TBC1D22A: variants seen among roughly 807,000 people sequenced by gnomAD.
The protein encoded by TBC1D22A is putative GTPase activator.
TBC1D22A carries 38 observed loss-of-function variants against 60.2 expected under a neutral mutation model. That is an observed-to-expected ratio of 0.63 (90% CI 0.49 to 0.83). The LOEUF is 0.83. Among genes scored for constraint, TBC1D22A ranks in the 40% least tolerant of loss-of-function variants. TBC1D22A has a pLI of 0.00. For synonymous variants in TBC1D22A, 302 were observed against 281.7 expected, an observed-to-expected ratio of 1.07 and a Z score of -0.72; for missense variants, 628 against 701.0, an observed-to-expected ratio of 0.90 and a Z score of 1.18.
intron 5 of TBC1D22A, among the ~76,000 whole-genome samples, chr22:46,884,139 GAGA>G (rs1366921171): frequency 6.6e-6 from 1 of 152,160 alleles, no homozygotes; most frequent in African/African-American, 2.4e-5. Flanking sequence ...ACAATACACC[GAGA>G]AGTAGATTTG....
At chr22:47,155,500 G>A (rs901288244) in intron 12 of TBC1D22A, among the ~76,000 whole-genome samples, 2 of 152,244 alleles carry the variant, frequency 1.3e-5, no homozygotes, top group Admixed American at 6.5e-5. Context: ...TCTGGGAGTG[G>A]GAGAGAGGGA....
intron 1 of TBC1D22A, among the ~76,000 whole-genome samples, chr22:46,776,384 C>G (rs1165998644): frequency 7.9e-6 from 1 of 126,174 alleles, no homozygotes; most frequent in East Asian, 2.5e-4. Context: ...AAGCAGTGGG[C>G]ATAGTTGTGG....
At chr22:46,892,807 A>C (rs1017891471) in intron 6 of TBC1D22A, among the ~76,000 whole-genome samples, 1 of 152,244 alleles carries the variant, frequency 6.6e-6, no homozygotes, top group African/African-American at 2.4e-5. Context: ...GGTTGCATAC[A>C]TCTTTATTTA....
intron 4 of TBC1D22A, among the ~76,000 whole-genome samples, chr22:46,868,838 A>C (rs1013459620): frequency 6.6e-6 from 1 of 152,052 alleles, no homozygotes; most frequent in African/African-American, 2.4e-5. Flanking sequence ...TGTAACTCTA[A>C]CTCTGGTTCA....
At chr22:47,034,506 A>T (rs2062591520) in intron 10 of TBC1D22A, among the ~76,000 whole-genome samples, 1 of 152,172 alleles carries the variant, frequency 6.6e-6, no homozygotes, top group Non-Finnish European at 1.5e-5. Context: ...AGGAAGATGA[A>T]GACACGATGA....
intron 1 of TBC1D22A, among the ~76,000 whole-genome samples, chr22:46,778,583 C>T (rs2146775301): frequency 6.6e-6 from 1 of 152,220 alleles, no homozygotes; most frequent in African/African-American, 2.4e-5. Context: ...AGTGGAAGGT[C>T]TTCGGGGGCA....
intron 9 of TBC1D22A, among the ~76,000 whole-genome samples, chr22:46,995,898 C>T (rs979563871): frequency 5.3e-5 from 8 of 152,160 alleles, no homozygotes; most frequent in East Asian, 1.9e-4. Flanking sequence ...GTGCTTGAAC[C>T]GTTTTCCAGT....
intron 12 of TBC1D22A, among the ~76,000 whole-genome samples, chr22:47,131,671 G>C (rs1419089649): frequency 6.6e-6 from 1 of 152,228 alleles, no homozygotes; most frequent in Non-Finnish European, 1.5e-5. Flanking sequence ...TGCTGACAGT[G>C]GGGGTCAGAG....
At chr22:46,838,732 G>A (rs2086626363) in intron 4 of TBC1D22A, among the ~76,000 whole-genome samples, 2 of 152,240 alleles carry the variant, frequency 1.3e-5, no homozygotes, top group South Asian at 4.1e-4. Flanking sequence ...GGGATTTATC[G>A]CTGGGATGCA....
chr22:46,790,213 C>T (rs747926945), intron 1 of TBC1D22A, among the ~76,000 whole-genome samples: 3 of 152,240 alleles, frequency 2.0e-5, no homozygotes, highest in Non-Finnish European at 4.4e-5. Context: ...TCCAGGAAGC[C>T]GCCCACGTTC....
intron 8 of TBC1D22A, among the ~76,000 whole-genome samples, chr22:46,939,640 ATCT>A (rs927470341): frequency 2.6e-5 from 4 of 152,244 alleles, no homozygotes; most frequent in South Asian, 2.1e-4. Context: ...AAAAAGGAAA[ATCT>A]TCTCCCATTT....
chr22:46,800,480 GGAGATTCA>G (rs1433389352), intron 4 of TBC1D22A, among the ~76,000 whole-genome samples: 1 of 152,140 alleles, frequency 6.6e-6, no homozygotes, highest in East Asian at 1.9e-4. Flanking sequence ...AGGGTGGTGT[GGAGATTCA>G]GAACCACGTT....
intron 12 of TBC1D22A, among the ~76,000 whole-genome samples, chr22:47,149,418 T>C (rs991520009): frequency 6.6e-6 from 1 of 152,268 alleles, no homozygotes; most frequent in Non-Finnish European, 1.5e-5. Context: ...TGCACTTGGC[T>C]GCATTGTTAG....
chr22:47,071,568 C>T (rs61485470), intron 11 of TBC1D22A, among the ~76,000 whole-genome samples: 1,593 of 152,328 alleles, frequency 0.01, 30 homozygotes, highest in African/African-American at 0.036. Context: ...AAAGTTACAA[C>T]GGGAAGCCCT....
At chr22:46,981,683 G>A (rs986409932) in intron 9 of TBC1D22A, among the ~76,000 whole-genome samples, 2 of 152,194 alleles carry the variant, frequency 1.3e-5, no homozygotes, top group East Asian at 3.8e-4. Flanking sequence ...CTTCCACCAT[G>A]ATTCTGAGTT....
chr22:46,949,484 TGAA>T (rs1008894642), intron 8 of TBC1D22A, among the ~76,000 whole-genome samples: 13 of 152,212 alleles, frequency 8.5e-5, no homozygotes, highest in Non-Finnish European at 1.8e-4. Flanking sequence ...TGTGGGGCCT[TGAA>T]GAGGGCATGG....
intron 12 of TBC1D22A, among the ~76,000 whole-genome samples, chr22:47,112,259 T>G (rs2065877608): frequency 6.6e-6 from 1 of 152,212 alleles, no homozygotes; most frequent in African/African-American, 2.4e-5. Flanking sequence ...TGATACCCAC[T>G]GTTCCCCAAG....
At chr22:46,818,645 G>T (rs770044536) in intron 4 of TBC1D22A, among the ~76,000 whole-genome samples, 2 of 152,180 alleles carry the variant, frequency 1.3e-5, no homozygotes, top group African/African-American at 4.8e-5. Context: ...ATGCAGTTTT[G>T]ATTACTGTAG....
intron 4 of TBC1D22A, among the ~76,000 whole-genome samples, chr22:46,799,147 CAGCTCG>C (rs1163108492): frequency 6.6e-6 from 1 of 152,126 alleles, no homozygotes; most frequent in Non-Finnish European, 1.5e-5. Flanking sequence ...TTCCTTTCCA[CAGCTCG>C]AGGTGTCTCC....
Sources: allele counts gnomAD v4.1 joint callset (sites outside exome capture counted in the v4.1 genomes callset), GRCh38; gene constraint gnomAD v4.1.1; transcripts MANE v1.5; gene names NCBI Gene and HGNC (gene_info 2026-07-23, HGNC 2026-07-21).